The following PREX1 variants were observed in gnomAD, a reference collection of about 807,000 sequenced individuals.
PREX1 encodes the protein phosphatidylinositol 3,4,5-trisphosphate-dependent Rac exchanger 1 protein.
In PREX1, 41 loss-of-function variants were observed where a neutral mutation model predicts 198.3. That is an observed-to-expected ratio of 0.21 (90% CI 0.16 to 0.27). The LOEUF (loss-of-function observed/expected upper bound fraction) is 0.27. Among genes scored for constraint, PREX1 ranks in the 10% least tolerant of loss-of-function variants. PREX1 has a pLI of 1.00. For missense variants in PREX1, 1,620 were observed against 2,200.7 expected (o/e 0.74, Z 5.28); for synonymous variants, 843 against 887.2 (o/e 0.95, Z 0.89).
chr20:48,658,056 G>C (rs1156838747), intron 17 of PREX1, 80 bp downstream of exon 17: 2 of 1,345,928 alleles, frequency 1.5e-6, no homozygotes, highest in South Asian at 1.3e-5. Context: ...CCTGGGCTGG[G>C]CTGCCTCAAG....
At position 48,691,112 on chromosome 20, in the gene PREX1, G is replaced by C. The variant is rs1568826307; in HGVS notation, c.1037-16C>G. 6.2e-7 allele frequency: 1 copy of C among 1,614,152 alleles called. No homozygotes were observed. On this transcript the variant is annotated splice_polypyrimidine_tract_variant and intron_variant, in intron 8 of 39. Transcript: ENST00000371941. This position sits in a 1 kb window ranked among gnomAD's most constrained non-coding sequence, Gnocchi z 5.0. ...TGGTAATCCGCTGGTGGGGGCAGGA[G>C]GCAAAGGTGCAGCAGAGACTCAGCC...
chr20:48,782,532 C>G (rs1008917817), intron 1 of PREX1, among the ~76,000 whole-genome samples: 3 of 152,146 alleles, frequency 2.0e-5, no homozygotes, highest in Non-Finnish European at 4.4e-5. Context: ...CCCATATATC[C>G]ATTTCTATGA....
intron 7 of PREX1, among the ~76,000 whole-genome samples, chr20:48,700,221 CT>C: frequency 6.6e-6 from 1 of 152,336 alleles, no homozygotes. Context: ...GAACCCTCAA[CT>C]TTTAGAGCTT....
chr20:48,856,561 A>C, the PREX1 span, among the ~76,000 whole-genome samples: 3 of 152,220 alleles, frequency 2.0e-5, no homozygotes, highest in Admixed American at 2.0e-4. Context: ...TGTCAGGATC[A>C]GGCTCAAGAC....
chr20:48,768,541 T>C (rs139936204), intron 1 of PREX1, among the ~76,000 whole-genome samples: 1 of 152,256 alleles, frequency 6.6e-6, no homozygotes, highest in African/African-American at 2.4e-5. Flanking sequence ...ACGCCTGTAA[T>C]ACCAGCACTT....
chr20:48,811,179 T>A (rs956350780), intron 1 of PREX1, among the ~76,000 whole-genome samples: 40 of 128,884 alleles, frequency 3.1e-4, no homozygotes, highest in African/African-American at 1.0e-3. Context: ...TAAATAACAA[T>A]TTTTTTTTTA....
rs571010908 is a variant in PREX1, at chr20:48,640,940, G to A, written c.3776-1046C>T. Among the ~76,000 whole-genome samples, 7 of 151,916 alleles carry A rather than the reference G, an allele frequency of 4.6e-5. No individual in the cohort carries two copies. In the East Asian group the frequency reaches 1.4e-3, roughly 29 times the overall value. On this transcript the variant is annotated intron_variant, in intron 29 of 39. Transcript: ENST00000371941. ...TAAGTGGGTAGTTGGGTGGAGGGGT[G>A]GATGGACGGATGGATTGATGGGTGC...
At chr20:48,765,003 C>T (rs981783011) in intron 1 of PREX1, among the ~76,000 whole-genome samples, 12 of 152,148 alleles carry the variant, frequency 7.9e-5, no homozygotes, top group African/African-American at 2.9e-4. Context: ...ATTTCAGCCC[C>T]GTAAGACCCA....
At chr20:48,754,345 G>C (rs1047115346) in intron 1 of PREX1, among the ~76,000 whole-genome samples, 2 of 152,130 alleles carry the variant, frequency 1.3e-5, no homozygotes, top group Admixed American at 6.5e-5. Flanking sequence ...AAGGAGCTGG[G>C]CCTTAAACCC....
At chr20:48,828,174 C>T (rs2090520299), upstream of PREX1, among the ~76,000 whole-genome samples, 1 of 150,694 alleles carries the variant, frequency 6.6e-6, no homozygotes, top group Non-Finnish European at 1.5e-5. Context: ...TGCACGGGGC[C>T]CCTGGGGACG....
intron 24 of PREX1, among the ~76,000 whole-genome samples, 190 bp from the exon 25 acceptor site, chr20:48,649,766 G>A (rs965241013): frequency 2.0e-5 from 3 of 152,212 alleles, no homozygotes; most frequent in African/African-American, 7.2e-5. Context: ...TTTAACTACT[G>A]TGATCTTTTC....
intron 1 of PREX1, among the ~76,000 whole-genome samples, chr20:48,769,742 TCACCTC>T (rs2090226695): frequency 6.6e-6 from 1 of 152,194 alleles, no homozygotes; most frequent in African/African-American, 2.4e-5. Context: ...TGCTCAAACG[TCACCTC>T]CTCAGTGAAG....
At chr20:48,873,707 C>A in the PREX1 span, among the ~76,000 whole-genome samples, 4 of 151,316 alleles carry the variant, frequency 2.6e-5, no homozygotes, top group Non-Finnish European at 4.4e-5. Context: ...ATGACAATAG[C>A]GAGACTCTGT....
At chr20:48,705,030 A>G in intron 6 of PREX1, among the ~76,000 whole-genome samples, 1 of 152,258 alleles carries the variant, frequency 6.6e-6, no homozygotes, top group Non-Finnish European at 1.5e-5. Flanking sequence ...ATAAATAAAG[A>G]GATCCCACTT....
At chr20:48,797,592 C>T (rs553076319) in intron 1 of PREX1, among the ~76,000 whole-genome samples, 15 of 152,272 alleles carry the variant, frequency 9.9e-5, no homozygotes, top group African/African-American at 2.9e-4. Context: ...CCTGTGTGCC[C>T]GCTCTTTCTC....
chr20:48,659,175 G>A (rs1468968379), intron 16 of PREX1, among the ~76,000 whole-genome samples: 1 of 132,748 alleles, frequency 7.5e-6, no homozygotes. Flanking sequence ...GGGGAAGGGA[G>A]GGGAGAGAGG....
chr20:48,643,887 G>A (rs2089432288), intron 27 of PREX1, among the ~76,000 whole-genome samples: 1 of 152,182 alleles, frequency 6.6e-6, no homozygotes, highest in Non-Finnish European at 1.5e-5. Context: ...ATGTTGGCCA[G>A]GCTGGTCTCA....
At chr20:48,717,510 A>AG (rs1303950402) in intron 5 of PREX1, among the ~76,000 whole-genome samples, 1 of 152,102 alleles carries the variant, frequency 6.6e-6, no homozygotes, top group East Asian at 1.9e-4. Context: ...AAAAAAAAAA[A>AG]AAGGAAAAGA....
At chr20:48,828,034 CG>C (rs1446204975), upstream of PREX1, among the ~76,000 whole-genome samples, 1 of 145,268 alleles carries the variant, frequency 6.9e-6, no homozygotes, top group Non-Finnish European at 1.5e-5. Context: ...GCGGAGGCAG[CG>C]CGCGGGGGCC....
Sources: allele counts gnomAD v4.1 joint callset (sites outside exome capture counted in the v4.1 genomes callset), GRCh38; gene constraint gnomAD v4.1.1; non-coding constraint Gnocchi (gnomAD v3.1); transcripts MANE v1.5; gene names NCBI Gene and HGNC (gene_info 2026-07-23, HGNC 2026-07-21).